STEAP1: variants seen among roughly 807,000 people sequenced by gnomAD.
STEAP1 encodes the protein STEAP family member 1, also known as STEAP1 protein.
In STEAP1, 30 loss-of-function variants were observed where a neutral mutation model predicts 34.4. The observed-to-expected ratio is 0.87, with a 90% CI of 0.65 to 1.18. The LOEUF is 1.18. Among genes scored for constraint, STEAP1 ranks in the 50% most tolerant of loss-of-function variants. The pLI is 0.00. For missense variants in STEAP1, 318 were observed against 391.1 expected, an observed-to-expected ratio of 0.81 and a Z score of 1.58; for synonymous variants, 116 against 135.3, an observed-to-expected ratio of 0.86 and a Z score of 0.99.
intron 1 of STEAP1, among the ~76,000 whole-genome samples, chr7:90,156,583 C>T (rs1794122076): frequency 1.3e-5 from 2 of 152,232 alleles, no homozygotes; most frequent in South Asian, 4.1e-4. Flanking sequence ...ATTAGATTCT[C>T]CTAAGTGCAT....
intron 2 of STEAP1, 85 bp from the exon 3 acceptor site, chr7:90,160,720 C>T (rs1794170390): frequency 6.6e-7 from 1 of 1,522,042 alleles, no homozygotes; most frequent in South Asian, 1.3e-5. Context: ...ATGAGAAGCA[C>T]AATGATTGAG....
chr7:90,158,601 G>T (rs998127698), intron 1 of STEAP1, among the ~76,000 whole-genome samples: 14 of 152,254 alleles, frequency 9.2e-5, no homozygotes, highest in African/African-American at 3.4e-4. Flanking sequence ...AACAGGCATG[G>T]AGCTGCCATC....
chr7:90,157,869 G>GT lies in STEAP1; in HGVS notation c.-31-1888dup, dbSNP rs970207160. 2.0e-5 allele frequency among the ~76,000 whole-genome samples: 3 copies of GT among 152,172 alleles called. 1 individual carries two copies. The highest frequency in any genetic ancestry group is 4.4e-5 in the Non-Finnish European group (3 of 68,026). On this transcript the variant is annotated intron_variant, in intron 1 of 4. Coordinates refer to ENST00000297205, the MANE Select transcript of STEAP1 (RefSeq NM_012449.3). ...CAGGATACATTCTGAGAAATTCATT[G>GT]TAAGGCGGGATTTCATTGTTGAGGA...
In STEAP1 at chr7:90,164,724, C is replaced by G. The variant is rs756238507; in HGVS notation, c.1010C>G (p.Ser337Cys). ...AAAATTAACAAAACTGAGATATGTT[C>G]CCAGTTGTAGAATTACTGTTTACAC... is the stretch of plus-strand genomic sequence containing the variant. ...VTKINKTEIC[S>C]QL Residue 337 changes from serine (S) to cysteine (C), a missense_variant, in exon 5 of 5, where the codon TCC becomes TGC. By Grantham distance (112) the Ser-to-Cys change is moderately radical. Coordinates refer to ENST00000297205, the MANE Select transcript of STEAP1 (RefSeq NM_012449.3). 3.7e-6 allele frequency: 6 copies of G among 1,610,202 alleles called. No homozygotes were observed. The highest frequency in any genetic ancestry group is 5.1e-6 in the Non-Finnish European group (6 of 1,178,436).
At chr7:90,163,576 A>C (rs1794213060) in intron 4 of STEAP1, among the ~76,000 whole-genome samples, 1 of 152,222 alleles carries the variant, frequency 6.6e-6, no homozygotes, top group Non-Finnish European at 1.5e-5. Context: ...CATATATGAA[A>C]ACGCAAACTT....
Position 90,161,949 on chromosome 7 carries a change from T to C in STEAP1, c.633T>C (p.His211=), listed in dbSNP as rs749642456. The change falls in exon 4 of 5, where the codon CAT becomes CAC. Residue 211 remains histidine, a synonymous_variant. Coordinates refer to ENST00000297205, the MANE Select transcript of STEAP1 (RefSeq NM_012449.3). Reference sequence around the variant, plus strand: ...ATAAAGAAGATGCCTGGATTGAGCATGATGTTTGGAGAATGGAGATTTATG... The same window carrying C: ...ATAAAGAAGATGCCTGGATTGAGCACGATGTTTGGAGAATGGAGATTTATG... The part of the protein sequence containing the change: ...QQNKEDAWIE[H]DVWRMEIYVS... 7 of 1,613,276 alleles carry C rather than the reference T, an allele frequency of 4.3e-6. No individual in the cohort carries two copies. The highest frequency in any genetic ancestry group is 1.7e-4 in the Middle Eastern group (1 of 6,050).
intron 4 of STEAP1, chr7:90,163,096 G>T: frequency 2.8e-6 from 1 of 359,488 alleles, no homozygotes; most frequent in African/African-American, 2.1e-5. Context: ...AGACATCTTT[G>T]GAAATTTCCA....
At chr7:90,162,981 A>G (rs1794206304) in intron 4 of STEAP1, 1 of 399,784 alleles carries the variant, frequency 2.5e-6, no homozygotes, top group East Asian at 7.3e-5. Flanking sequence ...TAGATTATCC[A>G]TAAGAAGAGT....
At chr7:90,158,488 CA>C (rs1413572692) in intron 1 of STEAP1, among the ~76,000 whole-genome samples, 1 of 151,546 alleles carries the variant, frequency 6.6e-6, no homozygotes. Flanking sequence ...GAAACTAAGA[CA>C]CAAACACACA....
At chr7:90,155,489 T>C (rs2115953647) in intron 1 of STEAP1, among the ~76,000 whole-genome samples, 1 of 152,224 alleles carries the variant, frequency 6.6e-6, no homozygotes, top group East Asian at 1.9e-4. Flanking sequence ...ATTAGAAATA[T>C]GCTTCACTTT....
At chr7:90,154,842 T>G (rs1276800441) in intron 1 of STEAP1, among the ~76,000 whole-genome samples, 2 of 152,236 alleles carry the variant, frequency 1.3e-5, no homozygotes, top group African/African-American at 4.8e-5. Flanking sequence ...TTATTAAGTT[T>G]GTGCTCAGGT....
In STEAP1 at chr7:90,155,665, A is replaced by G. The variant is rs548871658; in HGVS notation, c.-32+1122A>G. On this transcript the variant is annotated intron_variant, in intron 1 of 4. Coordinates refer to ENST00000297205, the MANE Select transcript of STEAP1 (RefSeq NM_012449.3). ...GGAAACCAACAAATTTATTTGACTCATAGTTTATTTTCCTGGCTTATGGGC... is the reference window on the plus strand; with the variant it reads ...GGAAACCAACAAATTTATTTGACTCGTAGTTTATTTTCCTGGCTTATGGGC... Among the ~76,000 whole-genome samples, 12 of 152,274 alleles carry G rather than the reference A, an allele frequency of 7.9e-5. No individual in the cohort carries two copies. The East Asian group carries it at 2.1e-3, about 27-fold the overall frequency.
At chr7:90,155,720 C>A (rs1420463829) in intron 1 of STEAP1, among the ~76,000 whole-genome samples, 4 of 152,194 alleles carry the variant, frequency 2.6e-5, no homozygotes, top group African/African-American at 9.7e-5. Flanking sequence ...ACACAGTCAA[C>A]AAGCTTCCTC....
At chr7:90,162,164 A>T in intron 4 of STEAP1, 86 bp downstream of exon 4, 4 of 1,462,728 alleles carry the variant, frequency 2.7e-6, no homozygotes, top group Non-Finnish European at 3.6e-6. Flanking sequence ...CCCATAAAAA[A>T]TAACAAATGT....
chr7:90,162,343 T>G lies in STEAP1; in HGVS notation c.762+265T>G, dbSNP rs994604701. 35 of 471,776 alleles carry G rather than the reference T, an allele frequency of 7.4e-5. 2 individuals carry two copies. The highest frequency in any genetic ancestry group is 6.4e-4 in the South Asian group (15 of 23,572). 29.2% of individuals were successfully genotyped at this position (471,776 alleles called of 1,614,324 possible). On this transcript the variant is annotated intron_variant, in intron 4 of 4. Transcript: ENST00000297205. ...TTGTTTTTTGTTTGTTTGTTTGTTT[T>G]TTTGAGATGAAGTCTCGCTCTGTTG...
intron 1 of STEAP1, among the ~76,000 whole-genome samples, chr7:90,158,804 A>C (rs1451760902): frequency 6.6e-6 from 1 of 152,228 alleles, no homozygotes; most frequent in East Asian, 1.9e-4. Context: ...TTACATATGC[A>C]GTCAGTCGTT....
Position 90,159,841 on chromosome 7 carries a change from C to A in STEAP1, c.53C>A (p.Pro18His). The change falls in exon 2 of 5, where the codon CCT becomes CAT. Residue 18 changes from proline to histidine, a missense_variant. By Grantham distance (77) the Pro-to-His change is moderately conservative (BLOSUM62 -2). Transcript: ENST00000297205. Reference sequence around the variant, plus strand: ...CAAGAAGAACTTTGGAAAATGAAGCCTAGGAGAAATTTAGAAGAAGACGAT... The same window carrying A: ...CAAGAAGAACTTTGGAAAATGAAGCATAGGAGAAATTTAGAAGAAGACGAT... ...TNQEELWKMK[P>H]RRNLEEDDYL... is the part of the protein sequence containing the mutation. The A allele has an allele frequency of 1.3e-6, 2 of 1,554,974 alleles. No homozygotes were observed. Among genetic ancestry groups the A allele is most frequent in the East Asian group, 2.3e-5 (1 of 42,806 alleles).
At chr7:90,160,225 G>A (rs1259804207) in intron 2 of STEAP1, among the ~76,000 whole-genome samples, 1 of 151,338 alleles carries the variant, frequency 6.6e-6, no homozygotes, top group Non-Finnish European at 1.5e-5. Flanking sequence ...AGTCATCAAT[G>A]CCCATATAAC....
chr7:90,162,502 T>C (rs1794200304), intron 4 of STEAP1, among the ~76,000 whole-genome samples: 1 of 152,042 alleles, frequency 6.6e-6, no homozygotes, highest in Non-Finnish European at 1.5e-5. Flanking sequence ...CTAATTTTTG[T>C]ATTTTTAGTA....
Sources: gnomAD v4.1 joint callset for allele counts (sites outside exome capture counted in the v4.1 genomes callset) on GRCh38, gnomAD v4.1.1 for gene constraint, MANE v1.5 for transcripts, NCBI Gene and HGNC (gene_info 2026-07-23, HGNC 2026-07-21) for gene names.